The following APOBEC3B variants were observed in gnomAD, a reference collection of about 807,000 sequenced individuals.
The protein encoded by APOBEC3B is DNA dC->dU-editing enzyme APOBEC-3B.
Under a neutral mutation model 53.4 loss-of-function variants are expected in APOBEC3B, and 29 were observed. That is an observed-to-expected ratio of 0.54 (90% confidence interval 0.40 to 0.74). The LOEUF (loss-of-function observed/expected upper bound fraction) is 0.74, where lower values mean the gene tolerates loss of function less well. Among genes scored for constraint, APOBEC3B ranks in the 30% least tolerant of loss-of-function variants. The pLI, the probability that APOBEC3B is intolerant of heterozygous loss-of-function variation, is 0.00. For synonymous variants in APOBEC3B, 132 were observed against 184.8 expected (o/e 0.71, Z 2.32); for missense variants, 347 against 496.2 (o/e 0.70, Z 2.86).
In APOBEC3B at chr22:38,985,960, T is replaced by A. The variant is rs922256810; in HGVS notation, c.323T>A (p.Leu108Gln). 6.2e-7 allele frequency: 1 copy of A among 1,601,566 alleles called. No homozygotes were observed. Among genetic ancestry groups the A allele is most frequent in the Non-Finnish European group, 8.5e-7 (1 of 1,176,486 alleles). Residue 108 changes from leucine to glutamine, a missense_variant, in exon 3 of 8, where the codon CTG becomes CAG. By Grantham distance (113) the Leu-to-Gln change is moderately radical. Coordinates refer to ENST00000333467, the MANE Select transcript of APOBEC3B (RefSeq NM_004900.5). ...TGTGTGGCGAAGCTGGCCGAATTCC[T>A]GTCTGAGCACCCCAATGTCACCCTG... The part of the protein sequence containing the change: ...PDCVAKLAEF[L>Q]SEHPNVTLTI...
chr22:38,989,681 TG>T (rs1403263998), intron 5 of APOBEC3B, 71 bp downstream of exon 5: 2 of 1,395,486 alleles, frequency 1.4e-6, no homozygotes, highest in African/African-American at 2.9e-5. Flanking sequence ...TAGAAGGTTC[TG>T]GGTGGTGCCT....
chr22:38,986,289 T>C lies in APOBEC3B; in HGVS notation c.455-9T>C. On this transcript the variant is annotated splice_polypyrimidine_tract_variant and intron_variant, in intron 3 of 7. Coordinates refer to ENST00000333467, the MANE Select transcript of APOBEC3B (RefSeq NM_004900.5). ...GAGAGCCTGACTGCTTCCCGCTTCT[T>C]CATCTCAGAATTTGCATACTGCTGG... 6.3e-7 allele frequency: 1 copy of C among 1,592,676 alleles called. No homozygotes were observed. Among genetic ancestry groups the C allele is most frequent in the Non-Finnish European group, 8.5e-7 (1 of 1,171,784 alleles).
At chr22:38,986,495 C>T (rs1923747552) in intron 4 of APOBEC3B, 83 bp downstream of exon 4, 18 of 1,472,070 alleles carry the variant, frequency 1.2e-5, no homozygotes, top group Non-Finnish European at 1.7e-5. Flanking sequence ...GGCCCTCCCG[C>T]CCTCCCTCTT....
rs1923632507 is a variant in APOBEC3B at position 38,983,994 on chromosome 22, G to A, written c.18-81G>A. 4 of 1,483,862 alleles carry A rather than the reference G, an allele frequency of 2.7e-6. No individual in the cohort carries two copies. The Admixed American group carries it at 6.8e-5, about 25-fold the overall frequency. The allele number at this position is 1,483,862 out of a possible 1,614,324, so 91.9% of individuals were successfully genotyped here. On this transcript the variant is annotated intron_variant, in intron 1 of 7. Coordinates refer to ENST00000333467, the MANE Select transcript of APOBEC3B (RefSeq NM_004900.5). ...TCGGGGAGGCCCAGGGCCATCCTGG[G>A]AGCTGTGTTCAGTGGACATGAGCCC...
At position 38,989,462 on chromosome 22, in the gene APOBEC3B, T is replaced by G. The variant is rs1923900067; in HGVS notation, c.575T>G (p.Leu192Arg). 1 of 1,567,628 alleles carries G rather than the reference T, an allele frequency of 6.4e-7. No individual in the cohort carries two copies. Among genetic ancestry groups the G allele is most frequent in the African/African-American group, 1.4e-5 (1 of 73,988 alleles). ...HRTLKEILRY[L>R]MDPDTFTFNF... ...TCCCCTGTCTTTGTCCACAGATACCTGATGGATCCAGACACATTCACTTTC... is the reference window on the plus strand; with the variant it reads ...TCCCCTGTCTTTGTCCACAGATACCGGATGGATCCAGACACATTCACTTTC... Residue 192 changes from leucine to arginine, a missense_variant, in exon 5 of 8, where the codon CTG becomes CGG. Physicochemically the swap from Leu to Arg is moderately radical, Grantham distance 102. Coordinates refer to ENST00000333467, the MANE Select transcript of APOBEC3B (RefSeq NM_004900.5).
At position 38,991,479 on chromosome 22, in the gene APOBEC3B, G is replaced by C. The variant is rs754881364; in HGVS notation, c.871G>C (p.Gly291Arg). ...CCCCTGCTTCTCCTGGGGCTGTGCC[G>C]GGGAAGTGCGTGCGTTCCTTCAGGA... ...WSPCFSWGCAGEVRAFLQENT... is the reference protein window; with the variant it reads ...WSPCFSWGCAREVRAFLQENT... The change falls in exon 6 of 8, where the codon GGG (glycine) becomes CGG (arginine). Residue 291 changes from glycine to arginine, a missense_variant. Gly to Arg is a moderately radical substitution (Grantham distance 125, BLOSUM62 -2). Transcript: ENST00000333467. The C allele has an allele frequency of 1.3e-6, 2 of 1,593,486 alleles. No homozygotes were observed. Among genetic ancestry groups the C allele is most frequent in the African/African-American group, 2.7e-5 (2 of 74,374 alleles).
At chr22:38,982,696 C>G (rs766157877) in intron 1 of APOBEC3B, among the ~76,000 whole-genome samples, 3 of 148,082 alleles carry the variant, frequency 2.0e-5, no homozygotes, top group African/African-American at 7.4e-5. Context: ...GCCCAGGCCC[C>G]GTGCTGAGAC....
chr22:38,988,683 C>CTCTCTTTCTTTCTCTCTT (rs1555894372), intron 4 of APOBEC3B, among the ~76,000 whole-genome samples: 1 of 47,512 alleles, frequency 2.1e-5, no homozygotes, highest in African/African-American at 9.0e-5. Flanking sequence ...TTCTCTCTTT[C>CTCTCTTTCTTTCTCTCTT]TCTTTCTTTC....
At chr22:38,982,524 G>T in intron 1 of APOBEC3B, 54 bp downstream of exon 1, 1 of 1,585,230 alleles carries the variant, frequency 6.3e-7, no homozygotes. Context: ...CTGCCTGGTG[G>T]TCCTGCTGGG....
At chr22:38,988,687 T>TTTCTCTCTCTCTCTTTCTC (rs1491021212) in intron 4 of APOBEC3B, among the ~76,000 whole-genome samples, 1 of 45,192 alleles carries the variant, frequency 2.2e-5, no homozygotes, top group Non-Finnish European at 4.3e-5. Flanking sequence ...CTCTTTCTCT[T>TTTCTCTCTCTCTCTTTCTC]TCTTTCTTTC....
Position 38,989,483 on chromosome 22 carries a change from C to G in APOBEC3B, c.596C>G (p.Thr199Ser), listed in dbSNP as rs145538726. Residue 199 changes from threonine to serine, a missense_variant, in exon 5 of 8, where the codon ACT becomes AGT. By Grantham distance (58) the Thr-to-Ser change is moderately conservative. This residue lies in a region of APOBEC3B where 156 missense variants were observed against 166.7 expected (regional missense o/e 0.94). Coordinates refer to ENST00000333467, the MANE Select transcript of APOBEC3B (RefSeq NM_004900.5). ...TACCTGATGGATCCAGACACATTCA[C>G]TTTCAACTTTAATAATGACCCTTTG... ...LRYLMDPDTF[T>S]FNFNNDPLVL... is the part of the protein sequence containing the mutation. 10 of 1,581,786 alleles carry G rather than the reference C, an allele frequency of 6.3e-6. 1 individual carries two copies. Among genetic ancestry groups the G allele is most frequent in the Non-Finnish European group, 8.6e-6 (10 of 1,163,856 alleles).
chr22:38,988,975 A>G (rs1459513449), intron 4 of APOBEC3B, among the ~76,000 whole-genome samples: 1 of 146,930 alleles, frequency 6.8e-6, no homozygotes, highest in Non-Finnish European at 1.5e-5. Flanking sequence ...ATCCAAAAAG[A>G]TGTCCCTGGC....
In APOBEC3B at chr22:38,989,515, C is replaced by T. The variant is rs1397292493; in HGVS notation, c.628C>T (p.Arg210Ter). The T allele has an allele frequency of 5.0e-6, 8 of 1,588,612 alleles. 2 individuals carry two copies. In the Admixed American group the frequency reaches 5.3e-5, roughly 11 times the overall value. The change falls in exon 5 of 8, where the codon CGA becomes TGA. Residue 210 changes from arginine to a stop codon, truncating the protein, a stop_gained. Coordinates refer to ENST00000333467, the MANE Select transcript of APOBEC3B (RefSeq NM_004900.5). LOFTEE classifies it high-confidence loss of function. ...FNFNNDPLVL[R>*]RRQTYLCYEV... ...CTTTAATAATGACCCTTTGGTCCTT[C>T]GACGGCGCCAGACCTACTTGTGCTA...
chr22:38,982,557 C>T, intron 1 of APOBEC3B, 87 bp downstream of exon 1: 3 of 1,504,900 alleles, frequency 2.0e-6, no homozygotes, highest in Non-Finnish European at 1.8e-6. Flanking sequence ...CCTCCCCCCG[C>T]CCCTGCCCCA....
intron 4 of APOBEC3B, among the ~76,000 whole-genome samples, chr22:38,988,151 C>A (rs555756952): frequency 6.7e-6 from 1 of 148,478 alleles, no homozygotes; most frequent in Non-Finnish European, 1.5e-5. Flanking sequence ...GCACTCACCT[C>A]TCACCCTCAA....
chr22:38,989,574 C>A lies in APOBEC3B; in HGVS notation c.687C>A (p.Val229=), dbSNP rs1404777478. 1 of 1,586,984 alleles carries A rather than the reference C, an allele frequency of 6.3e-7. No homozygotes were observed. The highest frequency in any genetic ancestry group is 1.3e-5 in the African/African-American group (1 of 74,216). Residue 229 remains valine, a synonymous_variant, in exon 5 of 8, where the codon GTC becomes GTA. Transcript: ENST00000333467. ...AGCGCCTGGACAATGGCACCTGGGTCCTGATGGACCAGCACATGGGCTTTC... is the reference window on the plus strand; with the variant it reads ...AGCGCCTGGACAATGGCACCTGGGTACTGATGGACCAGCACATGGGCTTTC... The part of the protein sequence containing the change: ...EVERLDNGTW[V]LMDQHMGFLC...
In APOBEC3B at chr22:38,992,505, T is replaced by A; in HGVS notation, c.*60T>A. On this transcript the variant is annotated 3_prime_UTR_variant, in exon 8 of 8. Coordinates refer to ENST00000333467, the MANE Select transcript of APOBEC3B (RefSeq NM_004900.5). ...CTGGGTTGAGCAGCAGAATAAAAGA[T>A]CTTCTTCCAAGAAATGCAAACAGAC... 2 of 1,554,490 alleles carry A rather than the reference T, an allele frequency of 1.3e-6. No homozygotes were observed.
chr22:38,988,681 T>TTCTCTCTTTCTTTC (rs58110435), intron 4 of APOBEC3B, among the ~76,000 whole-genome samples: 6 of 63,602 alleles, frequency 9.4e-5, no homozygotes, highest in African/African-American at 3.2e-4. Context: ...CTTTCTCTCT[T>TTCTCTCTTTCTTTC]TCTCTTTCTT....
chr22:38,991,801 G>A lies in APOBEC3B; in HGVS notation c.1018+175G>A, dbSNP rs1288827079. 6.1e-5 allele frequency among the ~76,000 whole-genome samples: 9 copies of A among 148,086 alleles called. 1 individual carries two copies. Among genetic ancestry groups the A allele is most frequent in the East Asian group, 4.9e-4 (2 of 4,084 alleles). ...GGCCAGGAGATATGGGCCCGGGGAG[G>A]GTGGCTGGAAGTGGAAGCAGAACTT... On this transcript the variant is annotated intron_variant, in intron 6 of 7. Coordinates refer to ENST00000333467, the MANE Select transcript of APOBEC3B (RefSeq NM_004900.5).
Sources: allele counts gnomAD v4.1 joint callset (sites outside exome capture counted in the v4.1 genomes callset), GRCh38; gene constraint gnomAD v4.1.1; regional missense constraint gnomAD v4.1.1; transcripts MANE v1.5; gene names NCBI Gene and HGNC (gene_info 2026-07-23, HGNC 2026-07-21).